Variants in LAMA2 observed in about 807,000 individuals in gnomAD.
LAMA2 encodes laminin subunit alpha 2, also known as laminin subunit alpha-2.
Under a neutral mutation model 364.8 loss-of-function variants are expected in LAMA2, and 269 were observed. That is an observed-to-expected ratio of 0.74 (90% CI 0.67 to 0.82). The LOEUF (loss-of-function observed/expected upper bound fraction) is 0.82, where lower values mean the gene tolerates loss of function less well. Among genes scored for constraint, LAMA2 ranks in the 40% least tolerant of loss-of-function variants. The probability of loss-of-function intolerance (pLI) is 0.00; values close to 1 mark genes in which losing one functional copy is unlikely to be tolerated. For synonymous variants in LAMA2, 1,379 were observed against 1,370.6 expected (o/e 1.01, Z -0.14); for missense variants, 3,807 against 3,873.2 (o/e 0.98, Z 0.45).
chr6:128,947,618 T>A (rs371387446), intron 1 of LAMA2, among the ~76,000 whole-genome samples: 1 of 152,190 alleles, frequency 6.6e-6, no homozygotes, highest in Non-Finnish European at 1.5e-5. Context: ...ATATTTATTC[T>A]ACCTAATAAG....
rs1014757711 is a variant in LAMA2 at position 129,514,383 on chromosome 6, A to G, written c.8999A>G (p.His3000Arg). 6.2e-7 allele frequency: 1 copy of G among 1,612,930 alleles called. No homozygotes were observed. The highest frequency in any genetic ancestry group is 1.3e-5 in the African/African-American group (1 of 75,014). The change falls in exon 64 of 65, where the codon CAT becomes CGT. Residue 3000 changes from histidine to arginine, a missense_variant. Coordinates refer to ENST00000421865, the MANE Select transcript of LAMA2 (RefSeq NM_000426.4). ...IEMIDEKLMF[H>R]VDNGAGRFTA... The stretch of plus-strand genomic sequence containing the variant: ...TTTCCTACTTTCCAGTTGATGTTTC[A>G]TGTGGACAATGGTGCGGGCAGATTC...
At chr6:129,223,782 C>T (rs1784046961) in intron 12 of LAMA2, among the ~76,000 whole-genome samples, 1 of 152,196 alleles carries the variant, frequency 6.6e-6, no homozygotes, top group East Asian at 1.9e-4. Flanking sequence ...AGCATGATGC[C>T]TCCAGCTTTG....
chr6:129,503,029 T>G, intron 59 of LAMA2, 62 bp from the exon 60 acceptor site: 1 of 1,446,162 alleles, frequency 6.9e-7, no homozygotes. Context: ...CTGATACCGC[T>G]CTATTTTAGC....
At chr6:129,421,507 A>G (rs1157855184) in intron 40 of LAMA2, among the ~76,000 whole-genome samples, 1 of 152,132 alleles carries the variant, frequency 6.6e-6, no homozygotes, top group African/African-American at 2.4e-5. Context: ...GCTTATGAAT[A>G]TGTATAAAGT....
At position 129,252,242 on chromosome 6, in the gene LAMA2, G is replaced by T. The variant is rs1179879432; in HGVS notation, c.2043G>T (p.Leu681Phe). The T allele has an allele frequency of 1.2e-6, 2 of 1,613,930 alleles. No individual in the cohort carries two copies. Among genetic ancestry groups the T allele is most frequent in the African/African-American group, 2.7e-5 (2 of 74,914 alleles). The change falls in exon 14 of 65, where the codon TTG (leucine) becomes TTT (phenylalanine). Residue 681 changes from leucine to phenylalanine, a missense_variant. Around this residue, in one of 3 missense-constraint regions of LAMA2, gnomAD observed 3,333 missense variants for 3,345.7 expected, o/e 1.00. Transcript: ENST00000421865. Reference sequence around the variant, plus strand: ...AATTTATGACAGTGCTTGCGAATTTGAAGAGAGTCCTCCTACAAATCACAT... The same window carrying T: ...AATTTATGACAGTGCTTGCGAATTTTAAGAGAGTCCTCCTACAAATCACAT... ...RKEFMTVLANLKRVLLQITYS... is the reference protein window; with the variant it reads ...RKEFMTVLANFKRVLLQITYS...
At chr6:129,072,495 TTAAC>T (rs753498709) in intron 3 of LAMA2, among the ~76,000 whole-genome samples, 1 of 152,126 alleles carries the variant, frequency 6.6e-6, no homozygotes, top group Non-Finnish European at 1.5e-5. Context: ...AATTGTTTAT[TTAAC>T]TAATCTGATA....
intron 5 of LAMA2, among the ~76,000 whole-genome samples, chr6:129,146,159 T>A (rs1373633868): frequency 2.0e-5 from 3 of 149,468 alleles, no homozygotes; most frequent in Non-Finnish European, 3.0e-5. Flanking sequence ...GCTAAATCTG[T>A]TTTTTTTGTG....
At chr6:129,214,856 A>G (rs966780537) in intron 12 of LAMA2, among the ~76,000 whole-genome samples, 1 of 152,222 alleles carries the variant, frequency 6.6e-6, no homozygotes, top group African/African-American at 2.4e-5. Flanking sequence ...TTGAATCTAC[A>G]CAAATTGGGA....
intron 55 of LAMA2, among the ~76,000 whole-genome samples, chr6:129,482,270 A>G (rs1301984689): frequency 3.9e-5 from 6 of 152,138 alleles, no homozygotes; most frequent in Non-Finnish European, 1.5e-5. Context: ...CTGTCTCAAA[A>G]CTTTTTTTAA....
In LAMA2 at chr6:129,389,948, G is replaced by A. The variant is rs76152262; in HGVS notation, c.5072-1543G>A. ...ACAGAGAAAAACCATATCAGGCTCTGCCTCCAAATACCATCACATTGGGAA... is the reference window on the plus strand; with the variant it reads ...ACAGAGAAAAACCATATCAGGCTCTACCTCCAAATACCATCACATTGGGAA... On this transcript the variant is annotated intron_variant, in intron 35 of 64. Transcript: ENST00000421865. 8.3e-4 allele frequency among the ~76,000 whole-genome samples: 126 copies of A among 152,288 alleles called. 1 individual carries two copies. In the East Asian group the frequency reaches 0.022, roughly 26 times the overall value.
At chr6:129,445,084 T>G (rs544988860) in intron 44 of LAMA2, among the ~76,000 whole-genome samples, 6 of 152,240 alleles carry the variant, frequency 3.9e-5, no homozygotes, top group Non-Finnish European at 8.8e-5. Flanking sequence ...AATCAACTAT[T>G]CTTCAAAATG....
chr6:129,254,654 A>G (rs1786504342), intron 14 of LAMA2, among the ~76,000 whole-genome samples: 1 of 152,214 alleles, frequency 6.6e-6, no homozygotes, highest in Non-Finnish European at 1.5e-5. Context: ...GAATGCTGAG[A>G]CCCATTAGAT....
chr6:129,222,486 T>TC (rs1182034476), intron 12 of LAMA2, among the ~76,000 whole-genome samples: 1 of 93,954 alleles, frequency 1.1e-5, no homozygotes, highest in African/African-American at 4.1e-5. Flanking sequence ...ATGCTATCCC[T>TC]CCCCCCTCCC....
At chr6:129,456,114 G>A (rs1394227957) in intron 47 of LAMA2, among the ~76,000 whole-genome samples, 1 of 152,076 alleles carries the variant, frequency 6.6e-6, no homozygotes, top group Non-Finnish European at 1.5e-5. Flanking sequence ...CACTGGTTCT[G>A]GTTGAAACTG....
At chr6:128,891,520 T>C (rs946982136) in intron 1 of LAMA2, among the ~76,000 whole-genome samples, 1 of 152,094 alleles carries the variant, frequency 6.6e-6, no homozygotes, top group Admixed American at 6.5e-5. Flanking sequence ...CCTCATCTCA[T>C]TGGTTTGTCG....
At chr6:129,310,056 C>T (rs529720060) in intron 22 of LAMA2, among the ~76,000 whole-genome samples, 3 of 151,412 alleles carry the variant, frequency 2.0e-5, no homozygotes, top group East Asian at 1.9e-4. Flanking sequence ...CCCGCTACCA[C>T]GCCCGGCTAA....
chr6:129,311,282 C>T (rs958260826), intron 22 of LAMA2, among the ~76,000 whole-genome samples: 13 of 152,004 alleles, frequency 8.6e-5, no homozygotes, highest in African/African-American at 2.2e-4. Context: ...CCACCACGCC[C>T]GGCTAATTTT....
chr6:129,218,936 G>C (rs950513271), intron 12 of LAMA2, among the ~76,000 whole-genome samples: 6 of 152,028 alleles, frequency 3.9e-5, no homozygotes, highest in Non-Finnish European at 8.8e-5. Context: ...CTTAATGATG[G>C]TATTGTGATA....
At position 129,160,421 on chromosome 6, in the gene LAMA2, G is replaced by A. The variant is rs561233220; in HGVS notation, c.1207-5155G>A. The stretch of plus-strand genomic sequence containing the variant: ...CCTTATTATCTTCTTGAAGTCTATA[G>A]CATCTATATAGATATCCCCTGTGTA... On this transcript the variant is annotated intron_variant, in intron 8 of 64. Coordinates refer to ENST00000421865, the MANE Select transcript of LAMA2 (RefSeq NM_000426.4). Among the ~76,000 whole-genome samples, 20 of 152,112 alleles carry A rather than the reference G, an allele frequency of 1.3e-4. No individual in the cohort carries two copies. In the South Asian group the frequency reaches 3.5e-3, roughly 27 times the overall value.
Sources: allele counts gnomAD v4.1 joint callset (sites outside exome capture counted in the v4.1 genomes callset), GRCh38; gene constraint gnomAD v4.1.1; regional missense constraint gnomAD v4.1.1; transcripts MANE v1.5; gene names NCBI Gene and HGNC (gene_info 2026-07-23, HGNC 2026-07-21).